The following MN1 variants were observed in gnomAD, a reference collection of about 807,000 sequenced individuals.
MN1 encodes the protein transcriptional activator MN1.
Under a neutral mutation model 86.9 loss-of-function variants are expected in MN1, and 19 were observed. That is an observed-to-expected ratio of 0.22 (90% CI 0.15 to 0.32). The LOEUF (loss-of-function observed/expected upper bound fraction) is 0.32, where lower values mean the gene tolerates loss of function less well. MN1 is among the 10% of genes least tolerant of loss of function. The pLI is 1.00. For synonymous variants in MN1, 928 were observed against 849.6 expected (o/e 1.09, Z -1.60); for missense variants, 1,841 against 1,862.0 (o/e 0.99, Z 0.21).
Position 27,800,908 on chromosome 22 carries a change from G to C in MN1, c.-365C>G. 1 of 402,686 alleles carries C rather than the reference G, an allele frequency of 2.5e-6. No homozygotes were observed. The highest frequency in any genetic ancestry group is 4.6e-6 in the Non-Finnish European group (1 of 218,702). The allele number at this position is 402,686 out of a possible 1,614,324, so 24.9% of individuals were successfully genotyped here. ...AAGTTAAGTGGGGGGAATGGGGAGG[G>C]AAGGGGGTTGGGAGAGCAGAGCGAT... On this transcript the variant is annotated 5_prime_UTR_variant, in exon 1 of 2. Transcript: ENST00000302326.
intron 1 of MN1, among the ~76,000 whole-genome samples, chr22:27,751,694 A>G (rs569150608): frequency 6.6e-6 from 1 of 152,322 alleles, no homozygotes; most frequent in East Asian, 1.9e-4. Context: ...CAGAGAGGGA[A>G]GATGACTTGC....
intron 1 of MN1, among the ~76,000 whole-genome samples, chr22:27,780,934 A>ATT (rs201761253): frequency 1.7e-4 from 26 of 150,342 alleles, no homozygotes; most frequent in African/African-American, 6.1e-4. Context: ...AGTTTTGAGT[A>ATT]TTTTTTTTTT....
At chr22:27,761,432 G>GAA (rs5844790) in intron 1 of MN1, among the ~76,000 whole-genome samples, 1 of 140,244 alleles carries the variant, frequency 7.1e-6, no homozygotes, top group Admixed American at 7.1e-5. Context: ...CTTTTTGGGG[G>GAA]AAAAAAAAAA....
At chr22:27,783,454 G>C (rs750130511) in intron 1 of MN1, among the ~76,000 whole-genome samples, 1 of 152,122 alleles carries the variant, frequency 6.6e-6, no homozygotes, top group African/African-American at 2.4e-5. Context: ...TTTTTAAAAA[G>C]GCTTGGAAAC....
At chr22:27,751,399 C>T (rs138143914) in intron 1 of MN1, among the ~76,000 whole-genome samples, 30 of 152,244 alleles carry the variant, frequency 2.0e-4, no homozygotes, top group African/African-American at 6.3e-4. Flanking sequence ...CACCAGAGTT[C>T]CCAAAAGATT....
chr22:27,766,778 C>G (rs929107950), intron 1 of MN1, among the ~76,000 whole-genome samples: 4 of 152,124 alleles, frequency 2.6e-5, no homozygotes, highest in Admixed American at 2.0e-4. Flanking sequence ...GTGACTAGAT[C>G]AGAGGATTTT....
rs746595595 is a variant in MN1, at chr22:27,798,150, C to G, written c.2394G>C (p.Ser798=). Residue 798 remains serine, a synonymous_variant, in exon 1 of 2, where the codon TCG becomes TCC. Transcript: ENST00000302326. The part of the protein sequence containing the change: ...QPDFQPSQRT[S]ASKLGALSLG... Reference sequence around the variant, plus strand: ...GCGAGAGCGCGCCCAATTTACTGGCCGAGGTGCGCTGGCTGGGCTGGAAAT... The same window carrying G: ...GCGAGAGCGCGCCCAATTTACTGGCGGAGGTGCGCTGGCTGGGCTGGAAAT... 1.2e-5 allele frequency: 19 copies of G among 1,594,292 alleles called. No homozygotes were observed. Among genetic ancestry groups the G allele is most frequent in the Non-Finnish European group, 1.5e-5 (18 of 1,174,420 alleles).
intron 1 of MN1, among the ~76,000 whole-genome samples, chr22:27,752,531 C>A (rs1357773292): frequency 6.6e-6 from 1 of 152,144 alleles, no homozygotes; most frequent in African/African-American, 2.4e-5. Flanking sequence ...GTGTTAGACA[C>A]GCTTGAGGAG....
At chr22:27,785,046 C>T (rs1036485950) in intron 1 of MN1, among the ~76,000 whole-genome samples, 6 of 138,804 alleles carry the variant, frequency 4.3e-5, no homozygotes, top group African/African-American at 1.3e-4. Context: ...GATGTGCGTG[C>T]TGGCATCCGC....
chr22:27,760,260 G>A (rs894616674), intron 1 of MN1, among the ~76,000 whole-genome samples: 7 of 151,916 alleles, frequency 4.6e-5, no homozygotes, highest in South Asian at 4.2e-4. Flanking sequence ...CAGGAGAATC[G>A]CTTGAACCCA....
intron 1 of MN1, among the ~76,000 whole-genome samples, chr22:27,765,929 G>A (rs888967970): frequency 3.9e-5 from 6 of 152,122 alleles, no homozygotes; most frequent in Admixed American, 3.3e-4. Context: ...CTAAGCCCCC[G>A]GGGTGCCTGT....
chr22:27,752,800 GC>G (rs1215832644), intron 1 of MN1, among the ~76,000 whole-genome samples: 1 of 152,198 alleles, frequency 6.6e-6, no homozygotes, highest in African/African-American at 2.4e-5. Context: ...AGTGAGAAAA[GC>G]TGAAATTGGG....
chr22:27,799,707 A>G lies in MN1; in HGVS notation c.837T>C (p.Ala279=). Residue 279 remains alanine (A), a synonymous_variant, in exon 1 of 2, where the codon GCT becomes GCC. Coordinates refer to ENST00000302326, the MANE Select transcript of MN1 (RefSeq NM_002430.3). ...AFPGASAMPR[A]AGMVGLSKMH... is the part of the protein sequence containing the mutation. ...TTTTGGACAAGCCCACCATGCCCGC[A>G]GCTCTGGGCATGGCCGAGGCGCCCG... 6.4e-7 allele frequency: 1 copy of G among 1,565,098 alleles called. No homozygotes were observed.
chr22:27,752,161 C>T (rs926550849), intron 1 of MN1, among the ~76,000 whole-genome samples: 70 of 152,126 alleles, frequency 4.6e-4, no homozygotes, highest in Admixed American at 6.5e-5. Flanking sequence ...GTTGTAGCTC[C>T]GCAAAGGGAC....
At chr22:27,781,870 T>C (rs545800906) in intron 1 of MN1, among the ~76,000 whole-genome samples, 1 of 152,214 alleles carries the variant, frequency 6.6e-6, no homozygotes, top group Admixed American at 6.5e-5. Context: ...TCTCTCTCTC[T>C]CTCTTGCTCT....
At chr22:27,761,210 G>A (rs558466177) in intron 1 of MN1, among the ~76,000 whole-genome samples, 16 of 149,644 alleles carry the variant, frequency 1.1e-4, no homozygotes, top group East Asian at 1.0e-3. Flanking sequence ...TCTCGTTCTC[G>A]CTCTCTCTCT....
chr22:27,796,966 T>C lies in MN1; in HGVS notation c.3578A>G (p.Gln1193Arg), dbSNP rs1933307321. Reference sequence around the variant, plus strand: ...GCTGCCCAGCTCGCTGTCGCCATTCTGCGCCCCTGAGGCCCCGACGGCGCA... The same window carrying C: ...GCTGCCCAGCTCGCTGTCGCCATTCCGCGCCCCTGAGGCCCCGACGGCGCA... ...GECAVGASGA[Q>R]NGDSELGSCC... Residue 1193 changes from glutamine (Q) to arginine (R), a missense_variant, in exon 1 of 2, where the codon CAG becomes CGG. Physicochemically the swap from Gln to Arg is conservative, Grantham distance 43 (BLOSUM62 1). Transcript: ENST00000302326. 1 of 1,612,444 alleles carries C rather than the reference T, an allele frequency of 6.2e-7. No homozygotes were observed. Among genetic ancestry groups the C allele is most frequent in the East Asian group, 2.2e-5 (1 of 44,856 alleles).
At chr22:27,790,392 C>G (rs1191832352) in intron 1 of MN1, among the ~76,000 whole-genome samples, 1 of 152,146 alleles carries the variant, frequency 6.6e-6, no homozygotes, top group East Asian at 1.9e-4. Flanking sequence ...AGGAAATGAC[C>G]AGGGCCACCT....
chr22:27,753,413 T>A (rs1205243916), intron 1 of MN1, among the ~76,000 whole-genome samples: 3 of 152,164 alleles, frequency 2.0e-5, no homozygotes, highest in African/African-American at 7.2e-5. Flanking sequence ...GGGGATGATG[T>A]CATCTCCCCT....
Sources: allele counts gnomAD v4.1 joint callset (sites outside exome capture counted in the v4.1 genomes callset), GRCh38; gene constraint gnomAD v4.1.1; transcripts MANE v1.5; gene names NCBI Gene and HGNC (gene_info 2026-07-23, HGNC 2026-07-21).